Variants in JPH1 observed in about 807,000 individuals in gnomAD.
JPH1 encodes the protein junctophilin 1, also known as junctophilin-1.
Under a neutral mutation model 53.6 loss-of-function variants are expected in JPH1, and 12 were observed. The observed-to-expected ratio is 0.22, with a 90% CI of 0.14 to 0.36. The LOEUF (loss-of-function observed/expected upper bound fraction) is 0.36, where lower values mean the gene tolerates loss of function less well. JPH1 is among the 10% of genes least tolerant of loss of function. The pLI, the probability that JPH1 is intolerant of heterozygous loss-of-function variation, is 1.00. For missense variants in JPH1, 808 were observed against 905.5 expected (o/e 0.89, Z 1.38); for synonymous variants, 375 against 363.8 (o/e 1.03, Z -0.35).
chr8:74,237,174 T>G, intron 5 of JPH1, 34 bp downstream of exon 5: 1 of 1,333,884 alleles, frequency 7.5e-7, no homozygotes, highest in South Asian at 1.3e-5. Context: ...TGTTATTTAC[T>G]ATGATTTTAG....
chr8:74,301,682 A>G (rs930461751), intron 2 of JPH1, among the ~76,000 whole-genome samples: 5 of 152,184 alleles, frequency 3.3e-5, no homozygotes, highest in African/African-American at 9.7e-5. Context: ...TCACCTGCAC[A>G]GGCTCAGCCT....
chr8:74,267,630 T>G (rs557252708), intron 2 of JPH1, among the ~76,000 whole-genome samples: 4 of 151,710 alleles, frequency 2.6e-5, no homozygotes, highest in Admixed American at 6.6e-5. Flanking sequence ...CTGAAGGGAG[T>G]TGGCGAGGAA....
At chr8:74,292,039 G>A (rs1807343153) in intron 2 of JPH1, among the ~76,000 whole-genome samples, 1 of 152,236 alleles carries the variant, frequency 6.6e-6, no homozygotes, top group South Asian at 2.1e-4. Context: ...GGTGGGGGAG[G>A]GGGCAGGGAT....
chr8:74,249,416 C>T (rs931751325), intron 3 of JPH1, among the ~76,000 whole-genome samples: 1 of 152,128 alleles, frequency 6.6e-6, no homozygotes, highest in Non-Finnish European at 1.5e-5. Context: ...AAGAACACTC[C>T]TTTCCTATAG....
At position 74,245,106 on chromosome 8, in the gene JPH1, G is replaced by A. The variant is rs756349459; in HGVS notation, c.1328C>T (p.Pro443Leu). ...DAKENPEEKV[P>L]EKPPTPKESP... ...CTCCTTTGGTGTAGGTGGCTTTTCTGGTACCTTTTCTTCTGGATTTTCTTT... is the reference window on the plus strand; with the variant it reads ...CTCCTTTGGTGTAGGTGGCTTTTCTAGTACCTTTTCTTCTGGATTTTCTTT... Residue 443 changes from proline (P) to leucine (L), a missense_variant, in exon 4 of 6, where the codon CCA (proline) becomes CTA (leucine). This residue lies in a region of JPH1 where 756 missense variants were observed against 811.9 expected (regional missense o/e 0.93). Transcript: ENST00000342232. 1 of 1,612,688 alleles carries A rather than the reference G, an allele frequency of 6.2e-7. No individual in the cohort carries two copies. The highest frequency in any genetic ancestry group is 8.5e-7 in the Non-Finnish European group (1 of 1,179,862).
intron 2 of JPH1, among the ~76,000 whole-genome samples, chr8:74,288,823 TG>T (rs1176353477): frequency 4.6e-5 from 7 of 152,238 alleles, no homozygotes; most frequent in Non-Finnish European, 1.0e-4. Flanking sequence ...ACAGAAGGTG[TG>T]AAACCACAGA....
rs1312959564 is a variant in JPH1 at position 74,321,489 on chromosome 8, C to A, written c.-202G>T. ...CCGCCGCCACCGCCGCCTTCCTCCT[C>A]CTCCTCCTCCTCCTTCGCCGCCGCC... On this transcript the variant is annotated 5_prime_UTR_variant, in exon 1 of 6. Transcript: ENST00000342232. This position sits in a 1 kb window ranked among gnomAD's most constrained non-coding sequence, Gnocchi z 4.3. 2.0e-6 allele frequency: 1 copy of A among 488,906 alleles called. No homozygotes were observed. The highest frequency in any genetic ancestry group is 3.4e-6 in the Non-Finnish European group (1 of 291,358). The allele number at this position is 488,906 out of a possible 1,614,324, so 30.3% of individuals were successfully genotyped here.
At chr8:74,239,469 G>A (rs1194526645) in intron 4 of JPH1, among the ~76,000 whole-genome samples, 2 of 152,074 alleles carry the variant, frequency 1.3e-5, no homozygotes, top group Non-Finnish European at 2.9e-5. Context: ...TTGTGATAAC[G>A]ACCAACTGCT....
chr8:74,307,033 C>T (rs1232767377), intron 2 of JPH1, among the ~76,000 whole-genome samples: 3 of 152,220 alleles, frequency 2.0e-5, no homozygotes, highest in Non-Finnish European at 4.4e-5. Flanking sequence ...TAACTTCACA[C>T]AGATCTGGTG....
Position 74,306,849 on chromosome 8 carries a change from G to A in JPH1, c.1139+8012C>T, listed in dbSNP as rs547429212. ...TGACCTCAAGGGATCCGCCCGCCTCGGCCTCCCAAAGTGCTGGGATTAGGG... is the reference window on the plus strand; with the variant it reads ...TGACCTCAAGGGATCCGCCCGCCTCAGCCTCCCAAAGTGCTGGGATTAGGG... On this transcript the variant is annotated intron_variant, in intron 2 of 5. Transcript: ENST00000342232. Among the ~76,000 whole-genome samples the A allele has an allele frequency of 5.3e-5, 8 of 152,112 alleles. No individual in the cohort carries two copies. The East Asian group carries it at 1.4e-3, about 26-fold the overall frequency.
At chr8:74,291,503 A>G (rs1334030613) in intron 2 of JPH1, among the ~76,000 whole-genome samples, 2 of 152,234 alleles carry the variant, frequency 1.3e-5, no homozygotes, top group African/African-American at 4.8e-5. Flanking sequence ...ATGTGGAGAC[A>G]TAGGAACACT....
At chr8:74,243,958 T>C (rs537981111) in intron 4 of JPH1, among the ~76,000 whole-genome samples, 1 of 152,336 alleles carries the variant, frequency 6.6e-6, no homozygotes, top group East Asian at 1.9e-4. Context: ...TCTTGAACTG[T>C]TGGAAATTTT....
At chr8:74,252,927 C>T (rs1395429982) in intron 3 of JPH1, among the ~76,000 whole-genome samples, 1 of 151,952 alleles carries the variant, frequency 6.6e-6, no homozygotes, top group Non-Finnish European at 1.5e-5. Context: ...ACTTAGACTC[C>T]CACACAATAA....
intron 2 of JPH1, among the ~76,000 whole-genome samples, chr8:74,311,637 G>C (rs1189648208): frequency 2.0e-5 from 3 of 150,200 alleles, no homozygotes; most frequent in African/African-American, 7.4e-5. Flanking sequence ...CCATCATCCA[G>C]CATTAGGTAT....
In JPH1 at chr8:74,269,053, T is replaced by G. The variant is rs79568913; in HGVS notation, c.1140-9550A>C. Among the ~76,000 whole-genome samples, 749 of 152,194 alleles carry G rather than the reference T, an allele frequency of 4.9e-3. 7 individuals are homozygous for G. Among genetic ancestry groups the G allele is most frequent in the African/African-American group, 0.017 (716 of 41,434 alleles). On this transcript the variant is annotated intron_variant, in intron 2 of 5. Coordinates refer to ENST00000342232, the MANE Select transcript of JPH1 (RefSeq NM_020647.4). Reference sequence around the variant, plus strand: ...CTAGAACTCCTCCTTGAACTCACAGTTGAAAAACATTCTCTAAGGTAAAAA... The same window carrying G: ...CTAGAACTCCTCCTTGAACTCACAGGTGAAAAACATTCTCTAAGGTAAAAA...
In JPH1 at chr8:74,236,860, G is replaced by T. The variant is rs1445248641; in HGVS notation, c.*191C>A. On this transcript the variant is annotated 3_prime_UTR_variant, in exon 6 of 6. Coordinates refer to ENST00000342232, the MANE Select transcript of JPH1 (RefSeq NM_020647.4). Reference sequence around the variant, plus strand: ...CCCCAAAGCCACAAAGCACTCCCAGGGGAACCGAACAGGTCCTCTGGCTGA... The same window carrying T: ...CCCCAAAGCCACAAAGCACTCCCAGTGGAACCGAACAGGTCCTCTGGCTGA... The T allele has an allele frequency of 1.2e-5, 2 of 170,156 alleles. No homozygotes were observed. Among genetic ancestry groups the T allele is most frequent in the African/African-American group, 4.8e-5 (2 of 42,032 alleles). The allele number at this position is 170,156 out of a possible 1,614,324, so 10.5% of individuals were successfully genotyped here. A position where few individuals can be genotyped will look rare whatever the true frequency, so the allele number is the denominator to read the frequency against.
At chr8:74,307,352 T>A (rs1367296429) in intron 2 of JPH1, among the ~76,000 whole-genome samples, 1 of 152,202 alleles carries the variant, frequency 6.6e-6, no homozygotes, top group Non-Finnish European at 1.5e-5. Context: ...ACAACCCTGC[T>A]ATGAAGGGTA....
At chr8:74,268,230 G>A (rs1806591922) in intron 2 of JPH1, among the ~76,000 whole-genome samples, 1 of 152,196 alleles carries the variant, frequency 6.6e-6, no homozygotes, top group Non-Finnish European at 1.5e-5. Context: ...GGGGAAATCT[G>A]GGGCTTAAAG....
chr8:74,257,200 G>A (rs1432304613), intron 3 of JPH1, among the ~76,000 whole-genome samples: 1 of 152,174 alleles, frequency 6.6e-6, no homozygotes, highest in Non-Finnish European at 1.5e-5. Context: ...AAATAGACCC[G>A]CTGTCGTCCA....
Sources: allele counts gnomAD v4.1 joint callset (sites outside exome capture counted in the v4.1 genomes callset), GRCh38; gene constraint gnomAD v4.1.1; regional missense constraint gnomAD v4.1.1; non-coding constraint Gnocchi (gnomAD v3.1); transcripts MANE v1.5; gene names NCBI Gene and HGNC (gene_info 2026-07-23, HGNC 2026-07-21).